The following DNAH11 variants were observed in gnomAD, a reference collection of about 807,000 sequenced individuals.
The protein encoded by DNAH11 is axonemal beta dynein heavy chain 11.
DNAH11 carries 442 observed loss-of-function variants against 526.0 expected under a neutral mutation model. That is an observed-to-expected ratio of 0.84 (90% confidence interval 0.78 to 0.91). The LOEUF (loss-of-function observed/expected upper bound fraction) is 0.91, where lower values mean the gene tolerates loss of function less well. DNAH11 is among the 40% of genes least tolerant of loss of function. The probability of loss-of-function intolerance (pLI) is 0.00; values close to 1 mark genes in which losing one functional copy is unlikely to be tolerated. For missense variants in DNAH11, 6,989 were observed against 5,448.7 expected, an observed-to-expected ratio of 1.28 and a Z score of -8.90; for synonymous variants, 2,461 against 1,935.9, an observed-to-expected ratio of 1.27 and a Z score of -7.12.
At chr7:21,551,530 C>A (rs1374276706) in intron 2 of DNAH11, among the ~76,000 whole-genome samples, 3 of 152,176 alleles carry the variant, frequency 2.0e-5, no homozygotes, top group African/African-American at 7.2e-5. Context: ...ACAGTGTCTT[C>A]TTGGGCTTTA....
intron 30 of DNAH11, among the ~76,000 whole-genome samples, chr7:21,676,878 T>C (rs1042154009): frequency 1.5e-4 from 23 of 152,174 alleles, no homozygotes; most frequent in African/African-American, 5.3e-4. Context: ...CTCACTAAAG[T>C]GTATATTAAT....
intron 30 of DNAH11, among the ~76,000 whole-genome samples, chr7:21,665,100 ACT>A (rs893056793): frequency 7.0e-6 from 1 of 143,136 alleles, no homozygotes; most frequent in African/African-American, 2.6e-5. Flanking sequence ...TCTCTCTCTC[ACT>A]CTCTCTTCCC....
At position 21,720,774 on chromosome 7, in the gene DNAH11, C is replaced by G. The variant is rs1784844777; in HGVS notation, c.7184C>G (p.Ser2395Cys). 6.2e-7 allele frequency: 1 copy of G among 1,601,888 alleles called. No individual in the cohort carries two copies. The highest frequency in any genetic ancestry group is 8.5e-7 in the Non-Finnish European group (1 of 1,173,660). Residue 2395 changes from serine (S) to cysteine (C), a missense_variant, in exon 44 of 82, where the codon TCT (serine) becomes TGT (cysteine). By Grantham distance (112) the Ser-to-Cys change is moderately radical. Transcript: ENST00000409508. ...ECLLTPENVP[S>C]DSPKEVYEVY... ...TTGCTGACTCCTGAAAATGTACCTT[C>G]TGACAGCCCAAAAGAAGTTTATGAA...
At chr7:21,869,346 G>T (rs10485987) in intron 73 of DNAH11, among the ~76,000 whole-genome samples, 83,012 of 151,800 alleles carry the variant, frequency 0.55, 26,993 homozygotes, top group Non-Finnish European at 0.74. Context: ...GTTGACGTTA[G>T]AGTCGACAGA....
At chr7:21,877,705 C>G (rs966273018) in intron 74 of DNAH11, among the ~76,000 whole-genome samples, 1 of 151,880 alleles carries the variant, frequency 6.6e-6, no homozygotes, top group African/African-American at 2.4e-5. Flanking sequence ...GAAACCCCAT[C>G]TCTACTAAAA....
At chr7:21,636,554 G>A (rs993836749) in intron 26 of DNAH11, among the ~76,000 whole-genome samples, 2 of 152,076 alleles carry the variant, frequency 1.3e-5, no homozygotes, top group African/African-American at 2.4e-5. Context: ...AGGCAGTATG[G>A]TGAGATCCCT....
rs545777582 is a variant in DNAH11 at position 21,888,219 on chromosome 7, T to C, written c.12507+3809T>C. 2.0e-5 allele frequency among the ~76,000 whole-genome samples: 3 copies of C among 152,260 alleles called. No individual in the cohort carries two copies. The East Asian group carries it at 5.8e-4, about 29-fold the overall frequency. On this transcript the variant is annotated intron_variant, in intron 76 of 81. Coordinates refer to ENST00000409508, the MANE Select transcript of DNAH11 (RefSeq NM_001277115.2). The stretch of plus-strand genomic sequence containing the variant: ...TTCAATCTTGAGTAATGTCTAAAAA[T>C]CCCTAACAGCACTTTGGGGCCATGG...
chr7:21,790,559 A>G (rs1238890094), intron 61 of DNAH11, among the ~76,000 whole-genome samples: 4 of 152,250 alleles, frequency 2.6e-5, no homozygotes, highest in East Asian at 3.8e-4. Context: ...AGCATTATCA[A>G]TATATATGTG....
chr7:21,802,588 G>A (rs796514641), intron 62 of DNAH11, among the ~76,000 whole-genome samples: 8 of 152,196 alleles, frequency 5.3e-5, no homozygotes, highest in African/African-American at 1.4e-4. Flanking sequence ...ATTGATAAAT[G>A]GATAAATAAA....
At chr7:21,815,219 C>T (rs2127999519) in intron 63 of DNAH11, among the ~76,000 whole-genome samples, 1 of 152,188 alleles carries the variant, frequency 6.6e-6, no homozygotes, top group African/African-American at 2.4e-5. Flanking sequence ...TTACAGCCCC[C>T]AATTGTTTCA....
rs1238638659 is a variant in DNAH11 at position 21,899,398 on chromosome 7, C to A, written c.13112C>A (p.Pro4371Gln). 1 of 1,613,970 alleles carries A rather than the reference C, an allele frequency of 6.2e-7. No individual in the cohort carries two copies. The highest frequency in any genetic ancestry group is 1.1e-5 in the South Asian group (1 of 91,080). ...LDTWTQDLTL[P>Q]AVVWLSGFFN... The stretch of plus-strand genomic sequence containing the variant: ...ACTTGGACACAAGACCTTACCCTTC[C>A]GGCTGTCGTGTGGCTCTCCGGCTTC... The change falls in exon 80 of 82, where the codon CCG (proline) becomes CAG (glutamine). Residue 4371 changes from proline (P) to glutamine (Q), a missense_variant. Coordinates refer to ENST00000409508, the MANE Select transcript of DNAH11 (RefSeq NM_001277115.2).
chr7:21,587,143 C>A (rs1210604996), intron 9 of DNAH11, among the ~76,000 whole-genome samples: 1 of 152,164 alleles, frequency 6.6e-6, no homozygotes, highest in Non-Finnish European at 1.5e-5. Context: ...CTATTTTATG[C>A]TAGCACACAG....
chr7:21,706,918 A>G (rs1784286112), intron 39 of DNAH11, among the ~76,000 whole-genome samples: 1 of 152,206 alleles, frequency 6.6e-6, no homozygotes, highest in African/African-American at 2.4e-5. Flanking sequence ...TTGAATAGAC[A>G]TACACTGAGC....
chr7:21,792,599 ATTTC>A (rs1210663657), intron 61 of DNAH11, among the ~76,000 whole-genome samples: 1 of 151,892 alleles, frequency 6.6e-6, no homozygotes, highest in Non-Finnish European at 1.5e-5. Context: ...CGGGTTTTCT[ATTTC>A]TTCATGGTTC....
rs187277874 is a variant in DNAH11 at position 21,558,250 on chromosome 7, G to A, written c.496-552G>A. Reference sequence around the variant, plus strand: ...TTATTAATTACATAATATATGCCAGGCTCTAGAAATAGGAAAAATACTTTT... The same window carrying A: ...TTATTAATTACATAATATATGCCAGACTCTAGAAATAGGAAAAATACTTTT... On this transcript the variant is annotated intron_variant, in intron 2 of 81. Coordinates refer to ENST00000409508, the MANE Select transcript of DNAH11 (RefSeq NM_001277115.2). Among the ~76,000 whole-genome samples the A allele has an allele frequency of 3.3e-5, 5 of 152,240 alleles. No individual in the cohort carries two copies. In the East Asian group the frequency reaches 9.6e-4, roughly 29 times the overall value.
chr7:21,568,231 G>A (rs1397492390), intron 6 of DNAH11, among the ~76,000 whole-genome samples: 1 of 152,152 alleles, frequency 6.6e-6, no homozygotes, highest in Non-Finnish European at 1.5e-5. Context: ...TCTGAAGTGG[G>A]ACTAGTTCAT....
chr7:21,800,525 G>C (rs540354394), intron 61 of DNAH11, among the ~76,000 whole-genome samples: 5 of 152,202 alleles, frequency 3.3e-5, no homozygotes, highest in East Asian at 3.9e-4. Flanking sequence ...CCAGCTACTC[G>C]GGAGACTGAG....
chr7:21,848,768 C>G (rs1782515442), intron 66 of DNAH11, among the ~76,000 whole-genome samples: 1 of 152,148 alleles, frequency 6.6e-6, no homozygotes, highest in African/African-American at 2.4e-5. Flanking sequence ...TCTCTTCTCT[C>G]TTAGCAAAAT....
In DNAH11 at chr7:21,571,793, G is replaced by A; in HGVS notation, c.1426-13G>A. The stretch of plus-strand genomic sequence containing the variant: ...AATGTAGTGGAAAGGTCTTTACTGT[G>A]TTTTTTACAAAGGATATATTTGCCA... On this transcript the variant is annotated splice_polypyrimidine_tract_variant and intron_variant, in intron 7 of 81. Coordinates refer to ENST00000409508, the MANE Select transcript of DNAH11 (RefSeq NM_001277115.2). 2.5e-6 allele frequency: 4 copies of A among 1,599,072 alleles called. No homozygotes were observed. The highest frequency in any genetic ancestry group is 3.4e-6 in the Non-Finnish European group (4 of 1,174,260).
Sources: gnomAD v4.1 joint callset for allele counts (sites outside exome capture counted in the v4.1 genomes callset) on GRCh38, gnomAD v4.1.1 for gene constraint, MANE v1.5 for transcripts, NCBI Gene and HGNC (gene_info 2026-07-23, HGNC 2026-07-21) for gene names.